HOXA3: variants seen among roughly 807,000 people sequenced by gnomAD.
HOXA3 encodes the protein homeobox protein Hox-A3.
A neutral mutation model predicts 30.3 loss-of-function variants in HOXA3; 8 were observed. The ratio of observed to expected loss-of-function variants is 0.26; its 90% CI spans 0.15 to 0.48. HOXA3 has a LOEUF of 0.48. Ranked by LOEUF, HOXA3 falls within the 20% of genes least tolerant of loss-of-function variation. The pLI is 0.99. For missense variants in HOXA3, 653 were observed against 614.4 expected, an observed-to-expected ratio of 1.06 and a Z score of -0.66; for synonymous variants, 323 against 273.1, an observed-to-expected ratio of 1.18 and a Z score of -1.80.
rs1340811801 is a variant in HOXA3, at chr7:27,107,306, C to A, written c.*609G>T. Reference sequence around the variant, plus strand: ...TTCTGAACCATCAGGGTACAGAATTCTTTAATATAAATACGAACGGATGGG... The same window carrying A: ...TTCTGAACCATCAGGGTACAGAATTATTTAATATAAATACGAACGGATGGG... On this transcript the variant is annotated 3_prime_UTR_variant, in exon 6 of 6. Transcript: ENST00000612286. The A allele has an allele frequency of 6.6e-6, 1 of 152,070 alleles. No homozygotes were observed. The allele number at this position is 152,070 out of a possible 1,614,324, so 9.4% of individuals were successfully genotyped here. A position where few individuals can be genotyped will look rare whatever the true frequency, so the allele number is the denominator to read the frequency against.
At chr7:27,147,695 C>G (rs1459624211) in intron 1 of HOXA3, 1 of 1,613,266 alleles carries the variant, frequency 6.2e-7, no homozygotes, top group African/African-American at 1.3e-5. Flanking sequence ...AAGAAGGAGT[C>G]CTGGCCGCTG....
At chr7:27,145,463 T>C (rs544946409) in intron 1 of HOXA3, 8 of 671,322 alleles carry the variant, frequency 1.2e-5, no homozygotes, top group South Asian at 7.6e-5. Flanking sequence ...TTTTGTTTTG[T>C]TTTGTTTTGT....
At chr7:27,129,962 T>A (rs1785450778) in intron 2 of HOXA3, 3 of 801,132 alleles carry the variant, frequency 3.7e-6, no homozygotes, top group Non-Finnish European at 3.9e-6. Flanking sequence ...GGCGGCTGGC[T>A]GGCGCGCACA....
rs1491379927 is a variant in HOXA3 at position 27,114,828 on chromosome 7, A to ATATATATTATATATAT, written c.-120-4084_-120-4069dup. On this transcript the variant is annotated intron_variant, in intron 4 of 5. Transcript: ENST00000612286. The stretch of plus-strand genomic sequence containing the variant: ...TTCCTAAAACATACATATATATATA[A>ATATATATTATATATAT]TATATATTATATATATAATATATAT... Among the ~76,000 whole-genome samples the ATATATATTATATATAT allele has an allele frequency of 1.3e-3, 79 of 62,346 alleles. 5 individuals carry two copies. The highest frequency in any genetic ancestry group is 2.1e-3 in the South Asian group (4 of 1,922). 40.9% of individuals were successfully genotyped at this position (62,346 alleles called of 152,430 possible).
chr7:27,119,478 C>T (rs1249287890), intron 4 of HOXA3: 3 of 152,270 alleles, frequency 2.0e-5, no homozygotes, highest in Non-Finnish European at 1.5e-5. Flanking sequence ...CTCCTGCCTT[C>T]TGCCTGATGA....
intron 1 of HOXA3, chr7:27,141,561 C>G: frequency 3.5e-6 from 1 of 288,078 alleles, no homozygotes; most frequent in Non-Finnish European, 6.4e-6. Context: ...GTTATAGTTA[C>G]TTCAAGTAAC....
intron 1 of HOXA3, chr7:27,147,613 C>G (rs1782821307): frequency 6.2e-7 from 1 of 1,614,124 alleles, no homozygotes; most frequent in African/African-American, 1.3e-5. Context: ...GTCCGGGAGA[C>G]TCGACGCCCC....
chr7:27,110,776 G>A lies in HOXA3; in HGVS notation c.-120-16C>T. The A allele has an allele frequency of 1.5e-6, 2 of 1,362,282 alleles. No individual in the cohort carries two copies. Among genetic ancestry groups the A allele is most frequent in the Non-Finnish European group, 2.0e-6 (2 of 989,270 alleles). The allele number at this position is 1,362,282 out of a possible 1,614,324, so 84.4% of individuals were successfully genotyped here. ...CCGCGCAGACCTGGTGGGGCGAGAA[G>A]CGCAGCGCGGTGAGGGCTCCGCGCA... On this transcript the variant is annotated splice_polypyrimidine_tract_variant and intron_variant, in intron 4 of 5. Coordinates refer to ENST00000612286, the MANE Select transcript of HOXA3 (RefSeq NM_153631.3).
intron 4 of HOXA3, among the ~76,000 whole-genome samples, chr7:27,118,285 G>T (rs1284351282): frequency 6.6e-6 from 1 of 152,204 alleles, no homozygotes; most frequent in African/African-American, 2.4e-5. Context: ...GAGGAGGTGG[G>T]TGCGTGGGGG....
At chr7:27,114,809 A>C (rs1275962165) in intron 4 of HOXA3, among the ~76,000 whole-genome samples, 1 of 121,372 alleles carries the variant, frequency 8.2e-6, no homozygotes, top group Non-Finnish European at 1.7e-5. Context: ...CGGATTCCTA[A>C]AACATACATA....
At chr7:27,143,193 T>A in intron 1 of HOXA3, 1 of 1,611,416 alleles carries the variant, frequency 6.2e-7, no homozygotes, top group Non-Finnish European at 8.5e-7. Flanking sequence ...CCCTCTCTGC[T>A]GCTGATGTGG....
rs974957585 is a variant in HOXA3, at chr7:27,108,962, G to A, written c.527-242C>T. On this transcript the variant is annotated intron_variant, in intron 5 of 5. Transcript: ENST00000612286. The surrounding 1 kb of genome is among the most constrained non-coding windows in gnomAD (Gnocchi z 5.0). ...GAAAGGACAGAGAAGTAGAACCCCC[G>A]GTTTGCCTTCCTGGTCTGGATTTTC... is the stretch of plus-strand genomic sequence containing the variant. 6.6e-6 allele frequency among the ~76,000 whole-genome samples: 1 copy of A among 152,082 alleles called. No individual in the cohort carries two copies. Among genetic ancestry groups the A allele is most frequent in the African/African-American group, 2.4e-5 (1 of 41,422 alleles).
At chr7:27,145,722 T>C in intron 1 of HOXA3, 1 of 1,614,220 alleles carries the variant, frequency 6.2e-7, no homozygotes, top group Non-Finnish European at 8.5e-7. Flanking sequence ...GAGCTTGTTT[T>C]CCTTTTTCCA....
At position 27,113,183 on chromosome 7, in the gene HOXA3, C is replaced by A. The variant is rs1222189172; in HGVS notation, c.-120-2423G>T. Among the ~76,000 whole-genome samples, 3 of 152,104 alleles carry A rather than the reference C, an allele frequency of 2.0e-5. No homozygotes were observed. Among genetic ancestry groups the A allele is most frequent in the Non-Finnish European group, 4.4e-5 (3 of 68,034 alleles). ...AAAGATCTGTTTCTGGACAATAATC[C>A]CCAGGTGCAAGAGCCGAAAGAGAGT... On this transcript the variant is annotated intron_variant, in intron 4 of 5. Coordinates refer to ENST00000612286, the MANE Select transcript of HOXA3 (RefSeq NM_153631.3). The surrounding 1 kb of genome is among the most constrained non-coding windows in gnomAD (Gnocchi z 4.8).
Position 27,130,641 on chromosome 7 carries a change from G to A in HOXA3, c.-389-3571C>T. 1 of 1,592,752 alleles carries A rather than the reference G, an allele frequency of 6.3e-7. No individual in the cohort carries two copies. The highest frequency in any genetic ancestry group is 8.6e-7 in the Non-Finnish European group (1 of 1,169,272). On this transcript the variant is annotated intron_variant, in intron 2 of 5. Coordinates refer to ENST00000612286, the MANE Select transcript of HOXA3 (RefSeq NM_153631.3). The stretch of plus-strand genomic sequence containing the variant: ...GGCCCCCGCCCGGGCCGCCGTCTGC[G>A]CCGCCCGAGCCGCTGTGCTGCGCGT...
chr7:27,112,949 C>T (rs1406571194), intron 4 of HOXA3, among the ~76,000 whole-genome samples: 1 of 152,170 alleles, frequency 6.6e-6, no homozygotes, highest in Admixed American at 6.5e-5. Context: ...CCCTCGTAAA[C>T]TTAAAATATA....
chr7:27,113,868 C>CCACCCCACCCACCCACCCCTCCCCCA lies in HOXA3; in HGVS notation c.-120-3134_-120-3109dup. ...GGGGCGGCTTGGACCCCCCTCCCACCCACCCCACCCACCCACCCCTCCCCC... is the reference window on the plus strand; with the variant it reads ...GGGGCGGCTTGGACCCCCCTCCCACCCACCCCACCCACCCACCCCTCCCCCACACCCCACCCACCCACCCCTCCCCC... On this transcript the variant is annotated intron_variant, in intron 4 of 5. Coordinates refer to ENST00000612286, the MANE Select transcript of HOXA3 (RefSeq NM_153631.3). The surrounding 1 kb of genome is among the most constrained non-coding windows in gnomAD (Gnocchi z 4.8). 6.6e-6 allele frequency: 1 copy of CCACCCCACCCACCCACCCCTCCCCCA among 150,742 alleles called. No individual in the cohort carries two copies. The highest frequency in any genetic ancestry group is 2.4e-5 in the African/African-American group (1 of 41,230). 9.3% of individuals were successfully genotyped at this position (150,742 alleles called of 1,614,324 possible). A position where few individuals can be genotyped will look rare whatever the true frequency, so the allele number is the denominator to read the frequency against.
chr7:27,140,032 A>AGAGAGAGAGAGAGAGAGAGAG (rs768977757), intron 2 of HOXA3, 51 bp downstream of exon 2: 43 of 138,174 alleles, frequency 3.1e-4, no homozygotes, highest in East Asian at 8.6e-4. Context: ...AGAGAGAGAG[A>AGAGAGAGAGAGAGAGAGAGAG]AAGTTTCCAA....
chr7:27,147,345 C>G (rs572360973), intron 1 of HOXA3: 3 of 1,614,158 alleles, frequency 1.9e-6, no homozygotes, highest in Admixed American at 1.7e-5. Flanking sequence ...AAGGGTAAAC[C>G]GGGCTCGTGT....
Sources: allele counts gnomAD v4.1 joint callset (sites outside exome capture counted in the v4.1 genomes callset), GRCh38; gene constraint gnomAD v4.1.1; non-coding constraint Gnocchi (gnomAD v3.1); transcripts MANE v1.5; gene names NCBI Gene and HGNC (gene_info 2026-07-23, HGNC 2026-07-21).